The following RNF38 variants were observed in gnomAD, a reference collection of about 807,000 sequenced individuals.
RNF38 encodes the protein E3 ubiquitin-protein ligase RNF38.
Under a neutral mutation model 67.2 loss-of-function variants are expected in RNF38, and 15 were observed. That is an observed-to-expected ratio of 0.22 (90% CI 0.15 to 0.34). The LOEUF is 0.34. RNF38 is among the 10% of genes least tolerant of loss of function. The probability of loss-of-function intolerance (pLI) is 1.00; values close to 1 mark genes in which losing one functional copy is unlikely to be tolerated. For missense variants in RNF38, 524 were observed against 639.9 expected (o/e 0.82, Z 1.95); for synonymous variants, 220 against 218.8 (o/e 1.01, Z -0.05).
At chr9:36,400,954 G>A, upstream of RNF38, 1 of 981,360 alleles carries the variant, frequency 1.0e-6, no homozygotes, top group Middle Eastern at 5.3e-4. Context: ...GGCGATCACA[G>A]ACCCGGGCTC....
At chr9:36,485,548 CCT>C (rs1392230166) in intron 1 of RNF38, among the ~76,000 whole-genome samples, 4 of 152,108 alleles carry the variant, frequency 2.6e-5, no homozygotes, top group Non-Finnish European at 5.9e-5. Context: ...TTTGCATTTC[CCT>C]GATTGTAAGT....
At chr9:36,442,194 C>T (rs546456946) in intron 1 of RNF38, among the ~76,000 whole-genome samples, 3 of 152,128 alleles carry the variant, frequency 2.0e-5, no homozygotes, top group Non-Finnish European at 2.9e-5. Flanking sequence ...TTGAACTCAC[C>T]GTAATCTGAC....
intron 1 of RNF38, among the ~76,000 whole-genome samples, chr9:36,465,186 T>TA (rs2134390391): frequency 6.6e-6 from 1 of 152,300 alleles, no homozygotes; most frequent in African/African-American, 2.4e-5. Context: ...GTAACAACCT[T>TA]AAAAAACAGC....
intron 2 of RNF38, among the ~76,000 whole-genome samples, chr9:36,384,236 AAAG>A (rs1836425144): frequency 2.6e-5 from 4 of 152,264 alleles, no homozygotes; most frequent in Non-Finnish European, 5.9e-5. Context: ...CAAAAAATCT[AAAG>A]TATAAACATG....
chr9:36,456,148 C>T (rs1839591342), intron 1 of RNF38, among the ~76,000 whole-genome samples: 1 of 152,110 alleles, frequency 6.6e-6, no homozygotes, highest in Non-Finnish European at 1.5e-5. Flanking sequence ...GCAACCTCCA[C>T]CTCCTGCCTC....
chr9:36,356,000 C>T (rs777832077), intron 6 of RNF38, among the ~76,000 whole-genome samples: 3 of 152,076 alleles, frequency 2.0e-5, no homozygotes, highest in African/African-American at 7.2e-5. Context: ...GCACGTGCCA[C>T]AATGCCCGGC....
chr9:36,407,515 G>A (rs552296200), intron 2 of RNF38, among the ~76,000 whole-genome samples: 3 of 152,144 alleles, frequency 2.0e-5, no homozygotes, highest in Non-Finnish European at 4.4e-5. Context: ...GAAAAACAGA[G>A]ACCTATACCA....
At chr9:36,345,511 C>G (rs1489769526) in intron 9 of RNF38, among the ~76,000 whole-genome samples, 1 of 152,142 alleles carries the variant, frequency 6.6e-6, no homozygotes, top group African/African-American at 2.4e-5. Flanking sequence ...CCAGTTAACA[C>G]CCCCTAGCTG....
intron 1 of RNF38, among the ~76,000 whole-genome samples, chr9:36,397,060 TAC>T (rs1837577094): frequency 7.1e-6 from 1 of 139,974 alleles, no homozygotes; most frequent in Non-Finnish European, 1.6e-5. Context: ...CATGTATATA[TAC>T]GTATATATAT....
chr9:36,400,220 C>G lies in RNF38; in HGVS notation c.-112G>C. ...AACCCTGAAAGGAAGAACTTGCATC[C>G]CCTGAGAACAAAACGCAGCCTATCC... On this transcript the variant is annotated 5_prime_UTR_variant, in exon 1 of 12. Coordinates refer to ENST00000259605, the MANE Select transcript of RNF38 (RefSeq NM_022781.5). 6.7e-7 allele frequency: 1 copy of G among 1,487,348 alleles called. No homozygotes were observed. Among genetic ancestry groups the G allele is most frequent in the South Asian group, 1.3e-5 (1 of 75,462 alleles). 92.1% of individuals were successfully genotyped at this position (1,487,348 alleles called of 1,614,324 possible).
At chr9:36,346,128 AC>A (rs1442667820) in intron 9 of RNF38, among the ~76,000 whole-genome samples, 10 of 152,200 alleles carry the variant, frequency 6.6e-5, no homozygotes, top group African/African-American at 2.4e-4. Context: ...GATAAATGAG[AC>A]CACCTAATTT....
intron 4 of RNF38, among the ~76,000 whole-genome samples, chr9:36,366,633 CT>C (rs1834988846): frequency 6.6e-6 from 1 of 152,100 alleles, no homozygotes; most frequent in African/African-American, 2.4e-5. Flanking sequence ...TATTCTTAAA[CT>C]TTTTTCTTCT....
intron 3 of RNF38, among the ~76,000 whole-genome samples, chr9:36,374,053 G>C (rs1230164906): frequency 6.6e-6 from 1 of 152,240 alleles, no homozygotes; most frequent in East Asian, 1.9e-4. Flanking sequence ...CAGGTACTCA[G>C]GCCTTAACTT....
chr9:36,362,014 T>C (rs1321139409), intron 4 of RNF38, among the ~76,000 whole-genome samples: 2 of 152,122 alleles, frequency 1.3e-5, no homozygotes, highest in Non-Finnish European at 2.9e-5. Context: ...GCGAGAAGCA[T>C]CCATCCCAAA....
At chr9:36,475,957 C>T (rs1005587591) in intron 1 of RNF38, among the ~76,000 whole-genome samples, 7 of 145,656 alleles carry the variant, frequency 4.8e-5, no homozygotes, top group South Asian at 2.2e-4. Flanking sequence ...TGCAGTAGGC[C>T]GAGATAATGC....
chr9:36,385,380 C>CT (rs544217136), intron 2 of RNF38, among the ~76,000 whole-genome samples: 31,912 of 138,406 alleles, frequency 0.23, 3,672 homozygotes, highest in Non-Finnish European at 0.25. Context: ...TCCACTACAG[C>CT]TTTTTTTTTT....
intron 1 of RNF38, among the ~76,000 whole-genome samples, chr9:36,449,352 G>A (rs1257496879): frequency 6.6e-6 from 1 of 151,918 alleles, no homozygotes; most frequent in Non-Finnish European, 1.5e-5. Context: ...GATCACTTGA[G>A]CCCAGGAGTC....
At chr9:36,369,380 C>T (rs1461910253) in intron 4 of RNF38, among the ~76,000 whole-genome samples, 2 of 152,088 alleles carry the variant, frequency 1.3e-5, no homozygotes, top group Non-Finnish European at 2.9e-5. Context: ...ACCACCACAT[C>T]CAGCTAATTT....
At chr9:36,350,757 T>A (rs780580343) in intron 9 of RNF38, among the ~76,000 whole-genome samples, 16 of 152,228 alleles carry the variant, frequency 1.1e-4, no homozygotes, top group African/African-American at 3.4e-4. Context: ...TCCTTAAACA[T>A]GTTAAAACAT....
Sources: gnomAD v4.1 joint callset for allele counts (sites outside exome capture counted in the v4.1 genomes callset) on GRCh38, gnomAD v4.1.1 for gene constraint, MANE v1.5 for transcripts, NCBI Gene and HGNC (gene_info 2026-07-23, HGNC 2026-07-21) for gene names.